The following RUNDC3B variants were observed in gnomAD, a reference collection of about 807,000 sequenced individuals.
RUNDC3B encodes RUN domain containing 3B.
In RUNDC3B, 33 loss-of-function variants were observed where a neutral mutation model predicts 58.4. The observed-to-expected ratio is 0.56, with a 90% CI of 0.43 to 0.75. The LOEUF (loss-of-function observed/expected upper bound fraction) is 0.75, where lower values mean the gene tolerates loss of function less well. RUNDC3B is among the 30% of genes least tolerant of loss of function. The pLI, the probability that RUNDC3B is intolerant of heterozygous loss-of-function variation, is 0.00. For synonymous variants in RUNDC3B, 193 were observed against 195.2 expected (o/e 0.99, Z 0.10); for missense variants, 501 against 535.7 (o/e 0.94, Z 0.64).
At chr7:87,651,926 G>A (rs1238939459) in intron 2 of RUNDC3B, among the ~76,000 whole-genome samples, 1 of 151,904 alleles carries the variant, frequency 6.6e-6, no homozygotes, top group Non-Finnish European at 1.5e-5. Context: ...GTTAAATTTG[G>A]TTGTTTTGCA....
At chr7:87,828,007 G>T (rs1303811192) in intron 10 of RUNDC3B, among the ~76,000 whole-genome samples, 1 of 152,014 alleles carries the variant, frequency 6.6e-6, no homozygotes, top group Non-Finnish European at 1.5e-5. Context: ...AGCAATAAAT[G>T]TATAAAGTAA....
intron 4 of RUNDC3B, among the ~76,000 whole-genome samples, chr7:87,735,496 T>C (rs1584044968): frequency 6.6e-6 from 1 of 152,238 alleles, no homozygotes; most frequent in Non-Finnish European, 1.5e-5. Flanking sequence ...TCTGTGGCTG[T>C]CACATTTCCT....
intron 1 of RUNDC3B, among the ~76,000 whole-genome samples, chr7:87,629,957 G>A (rs1821040339): frequency 6.6e-6 from 1 of 151,334 alleles, no homozygotes; most frequent in African/African-American, 2.4e-5. Context: ...AGTAAGCCTA[G>A]TATTCAGAGA....
chr7:87,693,831 A>G (rs1828233871), intron 2 of RUNDC3B: 2 of 1,399,730 alleles, frequency 1.4e-6, no homozygotes, highest in East Asian at 2.3e-5. Context: ...TAGTTGGGCT[A>G]TTCAGTTTGG....
intron 9 of RUNDC3B, among the ~76,000 whole-genome samples, chr7:87,809,879 C>T: frequency 6.6e-6 from 1 of 152,196 alleles, no homozygotes; most frequent in East Asian, 1.9e-4. Flanking sequence ...GGCTCTTGAA[C>T]TACCTGATCA....
intron 3 of RUNDC3B, among the ~76,000 whole-genome samples, chr7:87,708,310 A>G (rs1326854099): frequency 2.0e-5 from 3 of 152,148 alleles, no homozygotes; most frequent in Non-Finnish European, 4.4e-5. Flanking sequence ...GAAGAGGCCA[A>G]GTGTGTATAT....
At chr7:87,720,004 A>G (rs79566799) in intron 4 of RUNDC3B, among the ~76,000 whole-genome samples, 2 of 144,048 alleles carry the variant, frequency 1.4e-5, no homozygotes, top group Non-Finnish European at 3.0e-5. Context: ...AAAAAAAAAA[A>G]AAGAGAAAGA....
intron 2 of RUNDC3B, among the ~76,000 whole-genome samples, chr7:87,678,926 A>G (rs959001905): frequency 1.3e-5 from 2 of 152,152 alleles, no homozygotes; most frequent in African/African-American, 4.8e-5. Flanking sequence ...CTAAAAAGCA[A>G]AAGGTAACAG....
rs1197036595 is a variant in RUNDC3B, at chr7:87,648,575, TGAG to T, written c.123-2246_123-2244del. ...TACACTATATCTTAAGTTGTATAAA[TGAG>T]AAGAATGAGGCAAGCACTGTTCAGA... On this transcript the variant is annotated intron_variant, in intron 1 of 10. Coordinates refer to ENST00000394654, the MANE Select transcript of RUNDC3B (RefSeq NM_001134405.2). 4.6e-5 allele frequency among the ~76,000 whole-genome samples: 7 copies of T among 151,950 alleles called. No individual in the cohort carries two copies. The East Asian group carries it at 1.4e-3, about 29-fold the overall frequency.
intron 8 of RUNDC3B, among the ~76,000 whole-genome samples, chr7:87,784,259 T>G (rs897461166): frequency 6.6e-6 from 1 of 152,246 alleles, no homozygotes; most frequent in African/African-American, 2.4e-5. Flanking sequence ...GGGGAGCTAG[T>G]GTGATCCTTT....
At chr7:87,723,719 A>G (rs1450927014) in intron 4 of RUNDC3B, among the ~76,000 whole-genome samples, 2 of 152,172 alleles carry the variant, frequency 1.3e-5, no homozygotes, top group Non-Finnish European at 2.9e-5. Flanking sequence ...AGGATTGTGC[A>G]TTTCATATAA....
intron 6 of RUNDC3B, among the ~76,000 whole-genome samples, chr7:87,755,116 G>T (rs181279491): frequency 6.6e-6 from 1 of 151,142 alleles, no homozygotes; most frequent in Non-Finnish European, 1.5e-5. Context: ...TCTGCCTCCC[G>T]GGTTCAAGTG....
chr7:87,628,892 C>T lies in RUNDC3B; in HGVS notation c.69C>T (p.Ser23=), dbSNP rs763449412. Residue 23 remains serine, a synonymous_variant, in exon 1 of 11, where the codon AGC becomes AGT. Coordinates refer to ENST00000394654, the MANE Select transcript of RUNDC3B (RefSeq NM_001134405.2). ...GTGGCGGCGGAGGCGGCAAGAAAAGCCTGAGCGCCCGCAATGCTGCGGTGG... is the reference window on the plus strand; with the variant it reads ...GTGGCGGCGGAGGCGGCAAGAAAAGTCTGAGCGCCCGCAATGCTGCGGTGG... ...RGGGGGGGKK[S]LSARNAAVER... is the part of the protein sequence containing the mutation. The T allele has an allele frequency of 1.1e-5, 14 of 1,302,888 alleles. No homozygotes were observed. The highest frequency in any genetic ancestry group is 1.2e-5 in the Non-Finnish European group (12 of 1,018,196). 80.7% of individuals were successfully genotyped at this position (1,302,888 alleles called of 1,614,324 possible). A position where few individuals can be genotyped will look rare whatever the true frequency, so the allele number is the denominator to read the frequency against.
chr7:87,714,407 A>C (rs1563156505), intron 4 of RUNDC3B, among the ~76,000 whole-genome samples: 1 of 152,222 alleles, frequency 6.6e-6, no homozygotes, highest in Non-Finnish European at 1.5e-5. Context: ...AGATGGTCAC[A>C]TGGGGATGAA....
At chr7:87,671,938 T>C (rs1167889898) in intron 2 of RUNDC3B, among the ~76,000 whole-genome samples, 2 of 152,114 alleles carry the variant, frequency 1.3e-5, no homozygotes, top group Admixed American at 6.5e-5. Context: ...GAGGCCCTGG[T>C]TGGGAGGTCC....
At chr7:87,707,113 A>T (rs185775256) in intron 3 of RUNDC3B, among the ~76,000 whole-genome samples, 1 of 152,318 alleles carries the variant, frequency 6.6e-6, no homozygotes, top group Admixed American at 6.5e-5. Context: ...ACTGACTGCC[A>T]AAAGAAAAAT....
intron 4 of RUNDC3B, among the ~76,000 whole-genome samples, chr7:87,737,778 A>G (rs1447431960): frequency 6.6e-6 from 1 of 151,800 alleles, no homozygotes; most frequent in African/African-American, 2.4e-5. Flanking sequence ...GATTTTTTTC[A>G]GTGGAATTAT....
chr7:87,690,468 G>A (rs1487207574), intron 2 of RUNDC3B, among the ~76,000 whole-genome samples: 3 of 152,070 alleles, frequency 2.0e-5, no homozygotes, highest in African/African-American at 7.2e-5. Flanking sequence ...TTGTTTCTAA[G>A]ATGTTAATAC....
intron 6 of RUNDC3B, among the ~76,000 whole-genome samples, chr7:87,755,557 G>A (rs1341609325): frequency 1.3e-5 from 2 of 151,362 alleles, no homozygotes; most frequent in African/African-American, 4.8e-5. Context: ...TCAGTGCAAG[G>A]TTGGTTCAAC....
Sources: gnomAD v4.1 joint callset for allele counts (sites outside exome capture counted in the v4.1 genomes callset) on GRCh38, gnomAD v4.1.1 for gene constraint, MANE v1.5 for transcripts, NCBI Gene and HGNC (gene_info 2026-07-23, HGNC 2026-07-21) for gene names.